Variants in CPZ observed in about 807,000 individuals in gnomAD.
CPZ encodes VEZT/CPZ fusion.
CPZ carries 103 observed loss-of-function variants against 61.8 expected under a neutral mutation model. The ratio of observed to expected loss-of-function variants is 1.67; its 90% CI spans 1.42 to 1.96. CPZ has a LOEUF of 1.96. CPZ is among the 30% of genes most tolerant of loss of function. CPZ has a pLI of 0.00. For synonymous variants in CPZ, 551 were observed against 373.7 expected (o/e 1.47, Z -5.47); for missense variants, 1,461 against 914.9 (o/e 1.60, Z -7.70).
At chr4:8,609,890 T>C (rs1356580415) in intron 7 of CPZ, among the ~76,000 whole-genome samples, 1 of 152,176 alleles carries the variant, frequency 6.6e-6, no homozygotes, top group Non-Finnish European at 1.5e-5. Context: ...AGGGGCTGGC[T>C]GGGGTGTGCC....
chr4:8,607,438 T>G lies in CPZ; in HGVS notation c.1227+13T>G, dbSNP rs758587325. Reference sequence around the variant, plus strand: ...GCCCGACGAGAAGGTGAGAGGGCTGTCGGGTGTGTGCAGGGGAGGGAGACA... The same window carrying G: ...GCCCGACGAGAAGGTGAGAGGGCTGGCGGGTGTGTGCAGGGGAGGGAGACA... On this transcript the variant is annotated intron_variant, in intron 7 of 10. Transcript: ENST00000360986. The G allele has an allele frequency of 1.2e-6, 2 of 1,613,240 alleles. No homozygotes were observed. Among genetic ancestry groups the G allele is most frequent in the Non-Finnish European group, 1.7e-6 (2 of 1,179,700 alleles).
At position 8,592,865 on chromosome 4, in the gene CPZ, C is replaced by G; in HGVS notation, c.32C>G (p.Thr11Arg). 6.5e-7 allele frequency: 1 copy of G among 1,529,116 alleles called. No homozygotes were observed. The highest frequency in any genetic ancestry group is 8.8e-7 in the Non-Finnish European group (1 of 1,142,006). 94.7% of individuals were successfully genotyped at this position (1,529,116 alleles called of 1,614,324 possible). A position where few individuals can be genotyped will look rare whatever the true frequency, so the allele number is the denominator to read the frequency against. ...CCCCCGCTGCCGCTGCTGCTCCTTA[C>G]AGTCCTGGTCGTCGCCGCTGCCCGG... MPPPLPLLLL[T>R]VLVVAAARPG... Residue 11 changes from threonine to arginine, a missense_variant, in exon 1 of 11, where the codon ACA becomes AGA. By Grantham distance (71) the Thr-to-Arg change is moderately conservative. Coordinates refer to ENST00000360986, the MANE Select transcript of CPZ (RefSeq NM_001014447.3).
Position 8,605,459 on chromosome 4 carries a change from C to T in CPZ, c.710-530C>T, listed in dbSNP as rs80206627. 7.5e-3 allele frequency among the ~76,000 whole-genome samples: 1,146 copies of T among 152,194 alleles called. 8 individuals are homozygous for T. Among genetic ancestry groups the T allele is most frequent in the South Asian group, 0.039 (190 of 4,812 alleles). ...TTTATTTACACACCCATCCATCATC[C>T]GTCCATCCATTCATGCATCAATTTA... On this transcript the variant is annotated intron_variant, in intron 4 of 10. Coordinates refer to ENST00000360986, the MANE Select transcript of CPZ (RefSeq NM_001014447.3).
intron 9 of CPZ, among the ~76,000 whole-genome samples, chr4:8,616,470 G>A (rs1438963551): frequency 1.3e-5 from 2 of 152,226 alleles, no homozygotes; most frequent in Non-Finnish European, 2.9e-5. Context: ...GGCTAGGGGA[G>A]GCAGAAGTGA....
intron 1 of CPZ, among the ~76,000 whole-genome samples, chr4:8,596,075 A>G (rs1714154053): frequency 7.8e-6 from 1 of 128,536 alleles, no homozygotes; most frequent in African/African-American, 3.4e-5. Context: ...TTTTTTCAAG[A>G]TAGAGTCTCT....
intron 10 of CPZ, among the ~76,000 whole-genome samples, 184 bp from the exon 11 acceptor site, chr4:8,619,076 TGA>T (rs1043033383): frequency 2.0e-5 from 3 of 152,052 alleles, no homozygotes; most frequent in Non-Finnish European, 2.9e-5. Context: ...AGCAGGGTTT[TGA>T]GGTATAAATA....
chr4:8,612,189 G>GGTGGGGGT, intron 8 of CPZ, 27 bp downstream of exon 8: 2 of 486,410 alleles, frequency 4.1e-6, no homozygotes, highest in Non-Finnish European at 6.4e-6. Context: ...GCGGGACTGG[G>GGTGGGGGT]CGGGGGGTGG....
Position 8,612,118 on chromosome 4 carries a change from G to T in CPZ, c.1319G>T (p.Arg440Met). The change falls in exon 8 of 11, where the codon AGG becomes ATG. Residue 440 changes from arginine to methionine, a missense_variant. Transcript: ENST00000360986. ...AGGTGTGGAGGCAATTTCCTGAAGA[G>T]GGGGAGCATCATCAACGGGGCGGAC... Reference protein sequence around the residue: ...ENRCGGNFLKRGSIINGADWY... With the variant: ...ENRCGGNFLKMGSIINGADWY... 1 of 1,611,188 alleles carries T rather than the reference G, an allele frequency of 6.2e-7. No homozygotes were observed. Among genetic ancestry groups the T allele is most frequent in the Non-Finnish European group, 8.5e-7 (1 of 1,179,052 alleles).
In CPZ at chr4:8,599,333, G is replaced by A. The variant is rs1714402997; in HGVS notation, c.89-120G>A. 1.4e-5 allele frequency: 17 copies of A among 1,194,726 alleles called. No individual in the cohort carries two copies. In the South Asian group the frequency reaches 2.8e-4, roughly 20 times the overall value. 74.0% of individuals were successfully genotyped at this position (1,194,726 alleles called of 1,614,324 possible). A position where few individuals can be genotyped will look rare whatever the true frequency, so the allele number is the denominator to read the frequency against. ...GCTGCTGTGAAGACTCCATGAGATG[G>A]AGCTGGCGGAGGGTGGCCTGGGCTG... On this transcript the variant is annotated intron_variant, in intron 1 of 10. Transcript: ENST00000360986.
chr4:8,614,160 G>A (rs1021162724), intron 8 of CPZ, among the ~76,000 whole-genome samples, 199 bp from the exon 9 acceptor site: 4 of 152,234 alleles, frequency 2.6e-5, no homozygotes, highest in Admixed American at 6.5e-5. Context: ...CCCCTCAGCT[G>A]CAGGAGGGGC....
chr4:8,611,901 A>AGG, intron 7 of CPZ, 126 bp from the exon 8 acceptor site: 1 of 1,344,726 alleles, frequency 7.4e-7, no homozygotes, highest in African/African-American at 1.4e-5. Context: ...CTACCTGCAG[A>AGG]CACCATTCCC....
rs756774651 is a variant in CPZ, at chr4:8,619,430, T to G, written c.1772T>G (p.Phe591Cys). ...LQPLGMGPKNFIHGLRRTGPH... is the reference protein window; with the variant it reads ...LQPLGMGPKNCIHGLRRTGPH... ...CCTCTGGGGATGGGACCCAAGAACT[T>G]TATTCATGGGCTGCGGAGGACTGGG... The change falls in exon 11 of 11, where the codon TTT becomes TGT. Residue 591 changes from phenylalanine (F) to cysteine (C), a missense_variant. Coordinates refer to ENST00000360986, the MANE Select transcript of CPZ (RefSeq NM_001014447.3). 4.3e-6 allele frequency: 7 copies of G among 1,613,790 alleles called. No individual in the cohort carries two copies. The highest frequency in any genetic ancestry group is 5.9e-6 in the Non-Finnish European group (7 of 1,179,912).
At chr4:8,595,487 G>C (rs1470708863) in intron 1 of CPZ, among the ~76,000 whole-genome samples, 1 of 152,236 alleles carries the variant, frequency 6.6e-6, no homozygotes, top group Admixed American at 6.5e-5. Context: ...TGGGTCAGCA[G>C]GCCCACCCCC....
intron 9 of CPZ, among the ~76,000 whole-genome samples, chr4:8,616,824 C>T (rs77855174): frequency 0.052 from 7,908 of 152,288 alleles, 347 homozygotes; most frequent in Non-Finnish European, 0.081. Flanking sequence ...TTCAGGAGTG[C>T]GGTTCCATTA....
At chr4:8,610,464 G>T (rs1268749320) in intron 7 of CPZ, among the ~76,000 whole-genome samples, 2 of 152,156 alleles carry the variant, frequency 1.3e-5, no homozygotes, top group Middle Eastern at 3.2e-3. Flanking sequence ...GGGCAGGGAG[G>T]CCTTGTGGGT....
intron 9 of CPZ, among the ~76,000 whole-genome samples, chr4:8,615,886 A>G (rs1331804278): frequency 6.6e-6 from 1 of 152,186 alleles, no homozygotes; most frequent in Non-Finnish European, 1.5e-5. Context: ...GCCCCACACA[A>G]AGTAAAATGG....
At position 8,614,439 on chromosome 4, in the gene CPZ, G is replaced by C. The variant is rs771666220; in HGVS notation, c.1444G>C (p.Glu482Gln). The change falls in exon 9 of 11, where the codon GAG becomes CAG. Residue 482 changes from glutamate (E) to glutamine (Q), a missense_variant. Transcript: ENST00000360986. The stretch of plus-strand genomic sequence containing the variant: ...GGGCTGTGTGAAGTTCCCCCCCGAG[G>C]AGGCCCTGTACATACTCTGGCAGCA... ...ELGCVKFPPEEALYILWQHNK... is the reference protein window; with the variant it reads ...ELGCVKFPPEQALYILWQHNK... 6.2e-7 allele frequency: 1 copy of C among 1,613,958 alleles called. No individual in the cohort carries two copies. The highest frequency in any genetic ancestry group is 8.5e-7 in the Non-Finnish European group (1 of 1,179,982).
rs374344452 is a variant in CPZ, at chr4:8,614,022, TGCC to T, written c.1364-333_1364-331del. 6.6e-3 allele frequency among the ~76,000 whole-genome samples: 1,002 copies of T among 152,368 alleles called. 14 individuals are homozygous for T. Among genetic ancestry groups the T allele is most frequent in the African/African-American group, 0.023 (952 of 41,590 alleles). On this transcript the variant is annotated intron_variant, in intron 8 of 10. Transcript: ENST00000360986. Reference sequence around the variant, plus strand: ...TGGGGGTGGGGAAGCCTGTGGACTTTGCCGCCAAGCGGCCTGAGCTCAAGATGC... The same window carrying T: ...TGGGGGTGGGGAAGCCTGTGGACTTTGCCAAGCGGCCTGAGCTCAAGATGC...
intron 7 of CPZ, among the ~76,000 whole-genome samples, chr4:8,609,984 G>C (rs1313870262): frequency 1.3e-5 from 2 of 152,204 alleles, no homozygotes; most frequent in Non-Finnish European, 2.9e-5. Flanking sequence ...CTGCAGGCTG[G>C]CCATGGCTGC....
Sources: gnomAD v4.1 joint callset for allele counts (sites outside exome capture counted in the v4.1 genomes callset) on GRCh38, gnomAD v4.1.1 for gene constraint, MANE v1.5 for transcripts, NCBI Gene and HGNC (gene_info 2026-07-23, HGNC 2026-07-21) for gene names.